The following NKAIN3 variants were observed in gnomAD, a reference collection of about 807,000 sequenced individuals.
NKAIN3 encodes sodium/potassium transporting ATPase interacting 3.
A neutral mutation model predicts 30.2 loss-of-function variants in NKAIN3; 25 were observed. The observed-to-expected ratio is 0.83, with a 90% confidence interval of 0.60 to 1.16. The LOEUF (loss-of-function observed/expected upper bound fraction) is 1.16, where lower values mean the gene tolerates loss of function less well. Ranked by LOEUF, NKAIN3 falls within the 50% of genes most tolerant of loss-of-function variation. NKAIN3 has a pLI of 0.00. For missense variants in NKAIN3, 225 were observed against 254.1 expected, an observed-to-expected ratio of 0.89 and a Z score of 0.78; for synonymous variants, 91 against 89.6, an observed-to-expected ratio of 1.02 and a Z score of -0.09.
At chr8:62,578,149 T>C (rs768356803) in intron 1 of NKAIN3, among the ~76,000 whole-genome samples, 3 of 152,084 alleles carry the variant, frequency 2.0e-5, no homozygotes, top group Non-Finnish European at 4.4e-5. Context: ...AAAAGTATAA[T>C]GATTTGTGTC....
intron 3 of NKAIN3, among the ~76,000 whole-genome samples, chr8:62,607,105 A>C (rs955610247): frequency 2.6e-5 from 4 of 152,200 alleles, no homozygotes; most frequent in African/African-American, 9.6e-5. Flanking sequence ...TTAGCCATAC[A>C]GGGAGACACC....
At chr8:62,787,595 T>C (rs900222863) in intron 4 of NKAIN3, among the ~76,000 whole-genome samples, 1 of 152,166 alleles carries the variant, frequency 6.6e-6, no homozygotes, top group Non-Finnish European at 1.5e-5. Flanking sequence ...TTGTTACATA[T>C]GTATACATGT....
intron 1 of NKAIN3, among the ~76,000 whole-genome samples, chr8:62,395,069 C>T (rs1383986129): frequency 6.9e-6 from 1 of 145,960 alleles, no homozygotes; most frequent in Non-Finnish European, 1.5e-5. Flanking sequence ...GGTGGGTCGG[C>T]CAGGCAGAGG....
intron 3 of NKAIN3, among the ~76,000 whole-genome samples, chr8:62,676,367 GA>G (rs1666174227): frequency 6.6e-6 from 1 of 152,178 alleles, no homozygotes; most frequent in African/African-American, 2.4e-5. Flanking sequence ...AGGAGGTCGA[GA>G]CCATCCTGGC....
chr8:62,621,485 C>T (rs1342430502), intron 3 of NKAIN3, among the ~76,000 whole-genome samples: 3 of 152,034 alleles, frequency 2.0e-5, no homozygotes, highest in African/African-American at 7.2e-5. Context: ...TTCTTAAGCT[C>T]AGCATAAATA....
intron 4 of NKAIN3, among the ~76,000 whole-genome samples, chr8:62,815,867 T>C (rs1380069777): frequency 2.0e-5 from 3 of 152,200 alleles, no homozygotes; most frequent in Non-Finnish European, 4.4e-5. Context: ...GCTGTTCCAA[T>C]ATTTCAATAT....
chr8:62,298,304 C>T (rs1004961604), intron 1 of NKAIN3, among the ~76,000 whole-genome samples: 2 of 152,122 alleles, frequency 1.3e-5, no homozygotes, highest in African/African-American at 2.4e-5. Context: ...CATATGTACC[C>T]TAAAACTTAA....
chr8:62,487,719 G>A (rs1806945958), intron 1 of NKAIN3, among the ~76,000 whole-genome samples: 1 of 152,090 alleles, frequency 6.6e-6, no homozygotes, highest in South Asian at 2.1e-4. Context: ...TGAGTTGAAA[G>A]CTACTAATAG....
intron 4 of NKAIN3, chr8:62,855,948 T>A: frequency 1.4e-6 from 1 of 730,044 alleles, no homozygotes; most frequent in South Asian, 1.5e-5. Context: ...GTCCAGACAC[T>A]TTATGTGCAG....
At chr8:62,503,701 A>G (rs1839869) in intron 1 of NKAIN3, among the ~76,000 whole-genome samples, 93,743 of 151,758 alleles carry the variant, frequency 0.62, 30,802 homozygotes, top group South Asian at 0.79. Flanking sequence ...ATTTAGTGAT[A>G]TCTCTTCTAC....
chr8:62,915,476 G>T (rs1822066676), intron 4 of NKAIN3, among the ~76,000 whole-genome samples: 1 of 152,154 alleles, frequency 6.6e-6, no homozygotes, highest in African/African-American at 2.4e-5. Context: ...AGATCTTCCA[G>T]GAGTACAGCC....
chr8:62,975,740 T>A lies in NKAIN3; in HGVS notation c.*10333T>A, dbSNP rs1823927065. Among the ~76,000 whole-genome samples the A allele has an allele frequency of 6.6e-6, 1 of 152,200 alleles. No individual in the cohort carries two copies. The highest frequency in any genetic ancestry group is 1.5e-5 in the Non-Finnish European group (1 of 68,024). On this transcript the variant is annotated 3_prime_UTR_variant, in exon 7 of 7. Coordinates refer to ENST00000623646, the MANE Select transcript of NKAIN3 (RefSeq NM_001304533.3). ...GCTCTTGTTTCTTTAATTCTTTTAA[T>A]TGTGATGTTAGCGTGTTGATTGTAG...
intron 3 of NKAIN3, among the ~76,000 whole-genome samples, chr8:62,603,467 G>C (rs1331010296): frequency 6.6e-6 from 1 of 152,076 alleles, no homozygotes; most frequent in African/African-American, 2.4e-5. Context: ...CTACTCCCAC[G>C]TATGTTACAG....
chr8:62,321,687 T>C (rs1224558650), intron 1 of NKAIN3, among the ~76,000 whole-genome samples: 1 of 151,854 alleles, frequency 6.6e-6, no homozygotes, highest in Non-Finnish European at 1.5e-5. Context: ...TGTTCCTCTG[T>C]AAGTTTTGTC....
chr8:62,403,214 G>A (rs1332506049), intron 1 of NKAIN3, among the ~76,000 whole-genome samples: 1 of 152,166 alleles, frequency 6.6e-6, no homozygotes, highest in East Asian at 1.9e-4. Context: ...TTTCTAAGCA[G>A]CAAAACATTC....
At chr8:62,422,620 A>T (rs558489494) in intron 1 of NKAIN3, among the ~76,000 whole-genome samples, 1 of 152,210 alleles carries the variant, frequency 6.6e-6, no homozygotes, top group African/African-American at 2.4e-5. Context: ...AATCAATCAT[A>T]TGCTCTTTCC....
intron 1 of NKAIN3, among the ~76,000 whole-genome samples, chr8:62,291,517 G>T (rs147881420): frequency 2.2e-4 from 34 of 152,294 alleles, no homozygotes; most frequent in African/African-American, 7.7e-4. Flanking sequence ...TGCAGGAGCA[G>T]GTTGTTCAGT....
chr8:62,982,994 C>A lies in NKAIN3; in HGVS notation c.*17587C>A, dbSNP rs144515119. On this transcript the variant is annotated 3_prime_UTR_variant, in exon 7 of 7. Coordinates refer to ENST00000623646, the MANE Select transcript of NKAIN3 (RefSeq NM_001304533.3). ...TCATGAATAAGTCTAATTTTCTCTC[C>A]GGTGTGTAAAACTGACAATACCCAC... The A allele has an allele frequency of 1.3e-5, 2 of 152,224 alleles. No homozygotes were observed. Among genetic ancestry groups the A allele is most frequent in the East Asian group, 3.9e-4 (2 of 5,184 alleles). The allele number at this position is 152,224 out of a possible 1,614,324, so 9.4% of individuals were successfully genotyped here.
At chr8:62,773,629 G>A (rs1563555578) in intron 4 of NKAIN3, among the ~76,000 whole-genome samples, 1 of 152,030 alleles carries the variant, frequency 6.6e-6, no homozygotes, top group Non-Finnish European at 1.5e-5. Context: ...GATCTTTCCT[G>A]TGCTGTTCTC....
Sources: allele counts gnomAD v4.1 joint callset (sites outside exome capture counted in the v4.1 genomes callset), GRCh38; gene constraint gnomAD v4.1.1; transcripts MANE v1.5; gene names NCBI Gene and HGNC (gene_info 2026-07-23, HGNC 2026-07-21).